IKBIP: variants seen among roughly 807,000 people sequenced by gnomAD.
IKBIP encodes the protein IKBKB interacting protein.
In IKBIP, 28 loss-of-function variants were observed where a neutral mutation model predicts 31.0. That is an observed-to-expected ratio of 0.90 (90% confidence interval 0.67 to 1.24). The LOEUF (loss-of-function observed/expected upper bound fraction) is 1.24, where lower values mean the gene tolerates loss of function less well. Ranked by LOEUF, IKBIP falls within the 50% of genes most tolerant of loss-of-function variation. The pLI is 0.00. For synonymous variants in IKBIP, 164 were observed against 160.3 expected (o/e 1.02, Z -0.17); for missense variants, 453 against 441.9 (o/e 1.03, Z -0.23).
chr12:98,624,784 C>T lies in IKBIP; in HGVS notation c.*1146G>A. 2 of 866,758 alleles carry T rather than the reference C, an allele frequency of 2.3e-6. No individual in the cohort carries two copies. The highest frequency in any genetic ancestry group is 2.8e-6 in the Non-Finnish European group (2 of 722,040). The allele number at this position is 866,758 out of a possible 1,614,324, so 53.7% of individuals were successfully genotyped here. A position where few individuals can be genotyped will look rare whatever the true frequency, so the allele number is the denominator to read the frequency against. On this transcript the variant is annotated 3_prime_UTR_variant, in exon 3 of 3. Transcript: ENST00000299157. ...GAGTTATGTTACTTTTCCCTCAAAA[C>T]AGGCCACAGGCTTATTTTTATTTAT...
chr12:98,642,598 G>GC (rs1491454376), intron 1 of IKBIP, among the ~76,000 whole-genome samples: 1 of 97,034 alleles, frequency 1.0e-5, no homozygotes, highest in Non-Finnish European at 1.9e-5. Context: ...AATGCTATCT[G>GC]CTTTTTTTTT....
chr12:98,625,355 T>C lies in IKBIP; in HGVS notation c.*575A>G, dbSNP rs1443729235. On this transcript the variant is annotated 3_prime_UTR_variant, in exon 3 of 3. Coordinates refer to ENST00000299157, the MANE Select transcript of IKBIP (RefSeq NM_153687.4). The stretch of plus-strand genomic sequence containing the variant: ...TTTTCAGAAAGTGCATATTAATTCA[T>C]AGCAAAGGCACCAGGCTCTCCCTCA... 3 of 927,704 alleles carry C rather than the reference T, an allele frequency of 3.2e-6. No individual in the cohort carries two copies. Among genetic ancestry groups the C allele is most frequent in the Admixed American group, 6.2e-5 (1 of 16,162 alleles). The allele number at this position is 927,704 out of a possible 1,614,324, so 57.5% of individuals were successfully genotyped here. A position where few individuals can be genotyped will look rare whatever the true frequency, so the allele number is the denominator to read the frequency against.
chr12:98,642,393 G>T (rs573696516), intron 1 of IKBIP, among the ~76,000 whole-genome samples: 4 of 151,538 alleles, frequency 2.6e-5, no homozygotes, highest in Non-Finnish European at 5.9e-5. Flanking sequence ...CAAGTGATTC[G>T]CCTGCCTCGG....
Position 98,626,210 on chromosome 12 carries a change from C to CT in IKBIP, c.853dup (p.Arg285LysfsTer22). On this transcript the variant is annotated frameshift_variant, in exon 3 of 3. Coordinates refer to ENST00000299157, the MANE Select transcript of IKBIP (RefSeq NM_153687.4). LOFTEE classifies it high-confidence loss of function. ...TGTTTCTATCAGATCCTGAGAGACT[C>CT]TGAGAACAGAGTGAATAGCACTTTC... 1 of 1,614,110 alleles carries CT rather than the reference C, an allele frequency of 6.2e-7. No individual in the cohort carries two copies. Among genetic ancestry groups the CT allele is most frequent in the Non-Finnish European group, 8.5e-7 (1 of 1,180,002 alleles).
intron 1 of IKBIP, among the ~76,000 whole-genome samples, chr12:98,641,158 T>G (rs1458899569): frequency 6.6e-6 from 1 of 152,226 alleles, no homozygotes; most frequent in Non-Finnish European, 1.5e-5. Context: ...GGAAATGGTC[T>G]GAAGACAATG....
At chr12:98,614,672 C>A (rs1008728211) in intron 2 of IKBIP, among the ~76,000 whole-genome samples, 1 of 152,072 alleles carries the variant, frequency 6.6e-6, no homozygotes, top group African/African-American at 2.4e-5. Context: ...GGTTATCTGC[C>A]CACCTCGGCC....
downstream of IKBIP, among the ~76,000 whole-genome samples, chr12:98,622,011 G>A (rs2097610550): frequency 6.6e-6 from 1 of 151,586 alleles, no homozygotes; most frequent in South Asian, 2.1e-4. Context: ...GGGAGGTGGA[G>A]GTTGCAGTGA....
downstream of IKBIP, among the ~76,000 whole-genome samples, chr12:98,619,604 A>C (rs1592988500): frequency 1.3e-5 from 2 of 152,176 alleles, no homozygotes; most frequent in Admixed American, 6.5e-5. Flanking sequence ...AGAGTCTATC[A>C]GTAGCTGAAA....
At chr12:98,636,927 A>G (rs1009153300) in intron 1 of IKBIP, among the ~76,000 whole-genome samples, 1 of 152,168 alleles carries the variant, frequency 6.6e-6, no homozygotes, top group Non-Finnish European at 1.5e-5. Context: ...GGGAAAAAAA[A>G]AAAGTAAAAG....
intron 2 of IKBIP, among the ~76,000 whole-genome samples, chr12:98,615,084 T>G (rs1437431944): frequency 6.6e-6 from 1 of 152,204 alleles, no homozygotes; most frequent in African/African-American, 2.4e-5. Flanking sequence ...AAATTAAAAT[T>G]GTATATATTT....
Position 98,644,698 on chromosome 12 carries a change from A to C in IKBIP, c.4T>G (p.Ser2Ala), listed in dbSNP as rs146004775. 3.1e-6 allele frequency: 5 copies of C among 1,609,140 alleles called. No homozygotes were observed. Among genetic ancestry groups the C allele is most frequent in the Non-Finnish European group, 4.2e-6 (5 of 1,178,694 alleles). ...GACTTCTTCCGGCTCTTCACCTCAG[A>C]CATGTCTGGAGACCCTAGGACGACA... Reference protein sequence around the residue: MSEVKSRKKSGP... With the variant: MAEVKSRKKSGP... Residue 2 changes from serine (S) to alanine (A), a missense_variant, in exon 1 of 3, where the codon TCT becomes GCT. Ser to Ala is a moderately conservative substitution (Grantham distance 99). Coordinates refer to ENST00000299157, the MANE Select transcript of IKBIP (RefSeq NM_153687.4).
At chr12:98,618,944 C>G (rs1466210826) in intron 2 of IKBIP, among the ~76,000 whole-genome samples, 1 of 152,138 alleles carries the variant, frequency 6.6e-6, no homozygotes, top group Non-Finnish European at 1.5e-5. Flanking sequence ...AGAAATGGGA[C>G]AGTAGGACAA....
At chr12:98,613,580 T>TTAAA (rs772679566) in exon 3 of IKBIP, 1 of 1,431,314 alleles carries the variant, frequency 7.0e-7, no homozygotes, top group Non-Finnish European at 9.4e-7. Context: ...CTCAATAATG[T>TTAAA]CAAACTAATT....
chr12:98,620,442 C>T (rs9668512), downstream of IKBIP, among the ~76,000 whole-genome samples: 2,341 of 151,948 alleles, frequency 0.015, 54 homozygotes, highest in African/African-American at 0.054. Flanking sequence ...TCTCAGCTCA[C>T]TGCAACCCCT....
chr12:98,613,726 G>C, exon 3 of IKBIP: 1 of 1,612,602 alleles, frequency 6.2e-7, no homozygotes, highest in Non-Finnish European at 8.5e-7. Flanking sequence ...ATCTCCCAAT[G>C]CGTAGTGTTA....
downstream of IKBIP, among the ~76,000 whole-genome samples, chr12:98,620,308 A>C (rs2097609127): frequency 6.6e-6 from 1 of 152,068 alleles, no homozygotes; most frequent in Non-Finnish European, 1.5e-5. Context: ...ATCTACAAGC[A>C]CAGCAACATG....
intron 2 of IKBIP, among the ~76,000 whole-genome samples, chr12:98,632,685 G>C (rs2097622120): frequency 2.9e-5 from 4 of 136,264 alleles, no homozygotes; most frequent in Admixed American, 2.3e-4. Context: ...GCAGTGGTAT[G>C]ATCTCAGCTC....
chr12:98,615,650 A>G (rs572963969), intron 2 of IKBIP, among the ~76,000 whole-genome samples: 79 of 152,100 alleles, frequency 5.2e-4, no homozygotes, highest in African/African-American at 1.6e-3. Flanking sequence ...ACATCTCTCA[A>G]TTGTCCTACC....
chr12:98,614,256 C>A lies in IKBIP; in HGVS notation c.382G>T (p.Glu128Ter). Reference sequence around the variant, plus strand: ...ATCCTATTGGACCAAGTTTTTACCTCATTAATTTCTTCCTGTAGACGCTTT... The same window carrying A: ...ATCCTATTGGACCAAGTTTTTACCTAATTAATTTCTTCCTGTAGACGCTTT... The change falls in exon 3 of 3, where the codon GAG becomes TAG. Residue 128 changes from glutamate (E) to a stop codon, truncating the protein, a stop_gained. Coordinates refer to the IKBIP transcript ENST00000342502. LOFTEE classifies it high-confidence loss of function. The A allele has an allele frequency of 1.2e-6, 2 of 1,611,710 alleles. No individual in the cohort carries two copies. Among genetic ancestry groups the A allele is most frequent in the Non-Finnish European group, 8.5e-7 (1 of 1,178,434 alleles).
Sources: gnomAD v4.1 joint callset for allele counts (sites outside exome capture counted in the v4.1 genomes callset) on GRCh38, gnomAD v4.1.1 for gene constraint, MANE v1.5 for transcripts, NCBI Gene and HGNC (gene_info 2026-07-23, HGNC 2026-07-21) for gene names.